The following ABHD3 variants were observed in gnomAD, a reference collection of about 807,000 sequenced individuals.
The protein encoded by ABHD3 is abhydrolase domain containing 3, phospholipase, also known as phospholipase ABHD3.
Under a neutral mutation model 48.8 loss-of-function variants are expected in ABHD3, and 46 were observed. That is an observed-to-expected ratio of 0.94 (90% CI 0.74 to 1.20). The LOEUF (loss-of-function observed/expected upper bound fraction) is 1.20. Ranked by LOEUF, ABHD3 falls within the 50% of genes most tolerant of loss-of-function variation. ABHD3 has a pLI of 0.00. For synonymous variants in ABHD3, 192 were observed against 183.7 expected, an observed-to-expected ratio of 1.04 and a Z score of -0.36; for missense variants, 490 against 497.8, an observed-to-expected ratio of 0.98 and a Z score of 0.15.
rs768721542 is a variant in ABHD3 at position 21,683,926 on chromosome 18, A to T, written c.549T>A (p.Asn183Lys). The change falls in exon 4 of 9, where the codon AAT (asparagine) becomes AAA (lysine). Residue 183 changes from asparagine to lysine, a missense_variant. Physicochemically the swap from Asn to Lys is moderately conservative, Grantham distance 94 (BLOSUM62 0). Coordinates refer to ENST00000289119, the MANE Select transcript of ABHD3 (RefSeq NM_138340.5). ...VFNNRGVAGE[N>K]LLTPRTYCCA... ...GTCATTTAAATTTACTTACCAAGAG[A>T]TTCTCCCCCGCCACTCCTCTGTTGT... is the stretch of plus-strand genomic sequence containing the variant. 6.3e-7 allele frequency: 1 copy of T among 1,595,810 alleles called. No individual in the cohort carries two copies. The highest frequency in any genetic ancestry group is 1.1e-5 in the South Asian group (1 of 87,392).
At chr18:21,693,652 T>C (rs2040303307) in intron 3 of ABHD3, among the ~76,000 whole-genome samples, 1 of 152,210 alleles carries the variant, frequency 6.6e-6, no homozygotes, top group African/African-American at 2.4e-5. Context: ...CCATAACTTT[T>C]TCTGGAATAC....
chr18:21,668,200 C>CA lies in ABHD3; in HGVS notation c.556-3971dup, dbSNP rs747590942. Among the ~76,000 whole-genome samples the CA allele has an allele frequency of 9.6e-3, 586 of 61,210 alleles. 9 individuals carry two copies. The highest frequency in any genetic ancestry group is 0.029 in the Admixed American group (138 of 4,804). The allele number at this position is 61,210 out of a possible 152,430, so 40.2% of individuals were successfully genotyped here. Reference sequence around the variant, plus strand: ...TGGGCAACAAAGCAAGAATCTATCTCAAAAAAAAAAAAAAAAAAAAGAAAG... The same window carrying CA: ...TGGGCAACAAAGCAAGAATCTATCTCAAAAAAAAAAAAAAAAAAAAAGAAAG... On this transcript the variant is annotated intron_variant, in intron 4 of 8. Coordinates refer to ENST00000289119, the MANE Select transcript of ABHD3 (RefSeq NM_138340.5).
At position 21,651,581 on chromosome 18, in the gene ABHD3, G is replaced by A. The variant is rs747171642; in HGVS notation, c.*10C>T. 6.2e-7 allele frequency: 1 copy of A among 1,613,308 alleles called. No homozygotes were observed. The highest frequency in any genetic ancestry group is 8.5e-7 in the Non-Finnish European group (1 of 1,179,814). ...GTGGTTCAGACAAAATGCACCCAAA[G>A]AACTACATGTTAAGAGAGTTCATGT... On this transcript the variant is annotated 3_prime_UTR_variant, in exon 9 of 9. Transcript: ENST00000289119.
At position 21,683,933 on chromosome 18, in the gene ABHD3, C is replaced by A; in HGVS notation, c.542G>T (p.Gly181Val). Residue 181 changes from glycine to valine, a missense_variant, in exon 4 of 9, where the codon GGG becomes GTG. Coordinates refer to ENST00000289119, the MANE Select transcript of ABHD3 (RefSeq NM_138340.5). Reference sequence around the variant, plus strand: ...AAATTTACTTACCAAGAGATTCTCCCCCGCCACTCCTCTGTTGTTAAAAAC... The same window carrying A: ...AAATTTACTTACCAAGAGATTCTCCACCGCCACTCCTCTGTTGTTAAAAAC... ...CVVFNNRGVA[G>V]ENLLTPRTYC... 1 of 1,596,428 alleles carries A rather than the reference C, an allele frequency of 6.3e-7. No homozygotes were observed.
At chr18:21,684,687 C>T (rs146206704) in intron 3 of ABHD3, among the ~76,000 whole-genome samples, 32 of 152,050 alleles carry the variant, frequency 2.1e-4, no homozygotes, top group Admixed American at 4.6e-4. Flanking sequence ...AACATTCATA[C>T]GTATCTATTT....
chr18:21,703,477 T>C, intron 2 of ABHD3, 107 bp downstream of exon 2: 1 of 1,361,392 alleles, frequency 7.3e-7, no homozygotes, highest in Non-Finnish European at 1.0e-6. Flanking sequence ...TTCTGTTCTA[T>C]ATACTTCCTA....
intron 3 of ABHD3, among the ~76,000 whole-genome samples, chr18:21,688,931 A>G (rs746297514): frequency 2.2e-4 from 34 of 152,264 alleles, no homozygotes; most frequent in Non-Finnish European, 3.7e-4. Flanking sequence ...TAAGAATGGA[A>G]AAACAGGTTA....
chr18:21,683,715 A>G, intron 4 of ABHD3: 2 of 332,984 alleles, frequency 6.0e-6, no homozygotes, highest in East Asian at 5.9e-5. Context: ...TGAAATCTGA[A>G]TGAACACAGA....
intron 3 of ABHD3, among the ~76,000 whole-genome samples, chr18:21,685,513 T>G (rs1170829925): frequency 6.6e-6 from 1 of 152,228 alleles, no homozygotes; most frequent in Non-Finnish European, 1.5e-5. Context: ...TTACATTTTA[T>G]TAACTCACCT....
At chr18:21,652,897 A>G (rs1249228095) in intron 8 of ABHD3, among the ~76,000 whole-genome samples, 1 of 150,026 alleles carries the variant, frequency 6.7e-6, no homozygotes, top group Admixed American at 6.7e-5. Flanking sequence ...TACTAAAAAT[A>G]CAAAAATTGG....
At chr18:21,652,690 G>A (rs968979644) in intron 8 of ABHD3, among the ~76,000 whole-genome samples, 10 of 151,144 alleles carry the variant, frequency 6.6e-5, no homozygotes, top group African/African-American at 1.9e-4. Flanking sequence ...CAGGAGAATC[G>A]CTTGAACCCG....
At chr18:21,695,884 T>C (rs2040358718) in intron 3 of ABHD3, among the ~76,000 whole-genome samples, 1 of 152,148 alleles carries the variant, frequency 6.6e-6, no homozygotes, top group Admixed American at 6.5e-5. Flanking sequence ...TCTTTGGGAA[T>C]AGGTTCTGAT....
intron 4 of ABHD3, among the ~76,000 whole-genome samples, chr18:21,681,060 C>T (rs1351842170): frequency 6.6e-6 from 1 of 151,950 alleles, no homozygotes; most frequent in Non-Finnish European, 1.5e-5. Context: ...CACCAATCTC[C>T]CCTTTCACTC....
intron 6 of ABHD3, among the ~76,000 whole-genome samples, chr18:21,658,795 A>C (rs8091602): frequency 6.6e-6 from 1 of 151,998 alleles, no homozygotes; most frequent in Non-Finnish European, 1.5e-5. Context: ...ATTACGCTTT[A>C]AATTTTTTTA....
rs2039567075 is a variant in ABHD3, at chr18:21,664,138, T to C, written c.648A>G (p.Ala216=). The part of the protein sequence containing the change: ...HSLYPSAPFL[A]AGVSMGGMLL... ...CTTACCCTCCCATTGAAACCCCTGC[T>C]GCCAGGAAAGGAGCAGAAGGGTACA... is the stretch of plus-strand genomic sequence containing the variant. The change falls in exon 5 of 9, where the codon GCA becomes GCG. Residue 216 remains alanine, a synonymous_variant. Transcript: ENST00000289119. 6.2e-7 allele frequency: 1 copy of C among 1,611,876 alleles called. No homozygotes were observed. Among genetic ancestry groups the C allele is most frequent in the South Asian group, 1.1e-5 (1 of 90,348 alleles).
chr18:21,681,614 C>T (rs1448109524), intron 4 of ABHD3, among the ~76,000 whole-genome samples: 2 of 152,160 alleles, frequency 1.3e-5, no homozygotes, highest in Non-Finnish European at 2.9e-5. Flanking sequence ...AAATTATGCC[C>T]TTGCTTCAAA....
At chr18:21,664,252 G>A in intron 4 of ABHD3, 22 bp from the exon 5 acceptor site, 2 of 1,599,766 alleles carry the variant, frequency 1.3e-6, no homozygotes, top group South Asian at 1.1e-5. Context: ...GACAAGTAAA[G>A]CACAAAAATT....
rs1349628157 is a variant in ABHD3 at position 21,703,181 on chromosome 18, G to T, written c.326+403C>A. Among the ~76,000 whole-genome samples, 3 of 142,570 alleles carry T rather than the reference G, an allele frequency of 2.1e-5. No homozygotes were observed. In the East Asian group the frequency reaches 6.0e-4, roughly 29 times the overall value. 93.5% of individuals were successfully genotyped at this position (142,570 alleles called of 152,430 possible). A position where few individuals can be genotyped will look rare whatever the true frequency, so the allele number is the denominator to read the frequency against. Reference sequence around the variant, plus strand: ...GGAAGTCATTTTACACCAATAAATCGCCCAAAACCCAAATTAAGTGGCATC... The same window carrying T: ...GGAAGTCATTTTACACCAATAAATCTCCCAAAACCCAAATTAAGTGGCATC... On this transcript the variant is annotated intron_variant, in intron 2 of 8. Transcript: ENST00000289119.
intron 3 of ABHD3, among the ~76,000 whole-genome samples, chr18:21,697,201 G>T (rs546186946): frequency 6.8e-6 from 1 of 147,672 alleles, no homozygotes; most frequent in African/African-American, 2.5e-5. Flanking sequence ...TCAGCCTCCT[G>T]AGTAGCTGGG....
Sources: gnomAD v4.1 joint callset for allele counts (sites outside exome capture counted in the v4.1 genomes callset) on GRCh38, gnomAD v4.1.1 for gene constraint, MANE v1.5 for transcripts, NCBI Gene and HGNC (gene_info 2026-07-23, HGNC 2026-07-21) for gene names.